GLI2: variants seen among roughly 807,000 people sequenced by gnomAD.
GLI2 encodes the protein transcription activator GLI2.
In GLI2, 22 loss-of-function variants were observed where a neutral mutation model predicts 78.9. The observed-to-expected ratio is 0.28, with a 90% CI of 0.20 to 0.40. The LOEUF (loss-of-function observed/expected upper bound fraction) is 0.40. Among genes scored for constraint, GLI2 ranks in the 10% least tolerant of loss-of-function variants. GLI2 has a pLI of 1.00. For synonymous variants in GLI2, 974 were observed against 963.7 expected (o/e 1.01, Z -0.20); for missense variants, 2,097 against 2,213.2 (o/e 0.95, Z 1.05).
intron 1 of GLI2, among the ~76,000 whole-genome samples, chr2:120,739,272 C>T (rs1682457098): frequency 6.6e-6 from 1 of 152,114 alleles, no homozygotes; most frequent in Non-Finnish European, 1.5e-5. Context: ...TTCCATTGTC[C>T]CCCACCCCTG....
intron 2 of GLI2, among the ~76,000 whole-genome samples, chr2:120,859,452 CTT>C (rs57311162): frequency 0.18 from 21,866 of 123,034 alleles, 1,113 homozygotes; most frequent in Middle Eastern, 0.28. Flanking sequence ...ATACTCCCTC[CTT>C]TTTTTTTTTT....
rs1016718367 is a variant in GLI2 at position 120,978,583 on chromosome 2, G to C, written c.1467G>C (p.Thr489=). Residue 489 remains threonine (T), a splice_region_variant and synonymous_variant, in exon 10 of 14, where the codon ACG becomes ACC. Coordinates refer to ENST00000361492, the MANE Select transcript of GLI2 (RefSeq NM_001374353.1). ...RHTGEKPHKC[T]FEGCSKAYSR... Reference sequence around the variant, plus strand: ...CGGGCGAGAAGCCCCACAAGTGCACGGTGAGTGGCCTTCTCCCCACCCCCG... The same window carrying C: ...CGGGCGAGAAGCCCCACAAGTGCACCGTGAGTGGCCTTCTCCCCACCCCCG... 1.2e-6 allele frequency: 2 copies of C among 1,613,454 alleles called. No homozygotes were observed. Among genetic ancestry groups the C allele is most frequent in the South Asian group, 1.1e-5 (1 of 91,062 alleles).
chr2:120,980,345 T>C lies in GLI2; in HGVS notation c.1467+1762T>C, dbSNP rs549858818. On this transcript the variant is annotated intron_variant, in intron 10 of 13. Coordinates refer to ENST00000361492, the MANE Select transcript of GLI2 (RefSeq NM_001374353.1). ...CCATATCCTAGTGGGTATAAAGTAGTATTTTATTGTGTTTTTGATTAGCAC... is the reference window on the plus strand; with the variant it reads ...CCATATCCTAGTGGGTATAAAGTAGCATTTTATTGTGTTTTTGATTAGCAC... 4.3e-4 allele frequency among the ~76,000 whole-genome samples: 66 copies of C among 152,358 alleles called. 1 individual carries two copies. The highest frequency in any genetic ancestry group is 1.6e-3 in the African/African-American group (65 of 41,580).
intron 2 of GLI2, among the ~76,000 whole-genome samples, chr2:120,915,770 G>A (rs1679067892): frequency 1.3e-5 from 2 of 152,150 alleles, no homozygotes; most frequent in Admixed American, 6.5e-5. Context: ...CAGCCCTGGT[G>A]TGCACTTTCA....
chr2:120,931,940 A>C (rs1417416085), intron 3 of GLI2, among the ~76,000 whole-genome samples: 1 of 152,070 alleles, frequency 6.6e-6, no homozygotes, highest in African/African-American at 2.4e-5. Context: ...GCGGCTCCAC[A>C]CTATCCTCAA....
At chr2:120,837,414 A>AG (rs1686670064) in intron 2 of GLI2, among the ~76,000 whole-genome samples, 1 of 150,554 alleles carries the variant, frequency 6.6e-6, no homozygotes, top group South Asian at 2.1e-4. Context: ...AAAAAAAAAA[A>AG]GTCTTAATCT....
chr2:120,896,665 A>ACACACC (rs1677966656), intron 2 of GLI2, among the ~76,000 whole-genome samples: 1 of 17,562 alleles, frequency 5.7e-5, no homozygotes, highest in African/African-American at 1.6e-4. Flanking sequence ...ACACACATAC[A>ACACACC]CCCACCCCCC....
At chr2:120,851,181 A>G (rs969987078) in intron 2 of GLI2, among the ~76,000 whole-genome samples, 2 of 152,188 alleles carry the variant, frequency 1.3e-5, no homozygotes, top group Non-Finnish European at 2.9e-5. Context: ...AAGAACTTGC[A>G]TGGGCCCCAG....
intron 1 of GLI2, among the ~76,000 whole-genome samples, chr2:120,772,064 G>A (rs1158949586): frequency 1.3e-5 from 2 of 152,196 alleles, no homozygotes; most frequent in Non-Finnish European, 2.9e-5. Context: ...GATGGAGGGG[G>A]ATGCAGGGTG....
intron 2 of GLI2, among the ~76,000 whole-genome samples, chr2:120,908,335 C>T (rs1678647405): frequency 6.6e-6 from 1 of 152,188 alleles, no homozygotes; most frequent in Non-Finnish European, 1.5e-5. Context: ...TTTGTGCACA[C>T]TTGGGTAGAA....
intron 13 of GLI2, among the ~76,000 whole-genome samples, chr2:120,987,858 G>GGCT (rs1683051589): frequency 6.6e-6 from 1 of 152,182 alleles, no homozygotes. Flanking sequence ...TAGGCCTCCT[G>GGCT]GCTTCCCCTC....
chr2:120,889,715 A>G (rs1677588874), intron 2 of GLI2, among the ~76,000 whole-genome samples: 1 of 152,254 alleles, frequency 6.6e-6, no homozygotes, highest in African/African-American at 2.4e-5. Flanking sequence ...ATGGCCAATA[A>G]GCACATGAAA....
At chr2:120,799,067 G>C (rs1359321594) in intron 2 of GLI2, among the ~76,000 whole-genome samples, 1 of 152,254 alleles carries the variant, frequency 6.6e-6, no homozygotes, top group Non-Finnish European at 1.5e-5. Context: ...GACTTAGGCA[G>C]TAATTAGACA....
intron 2 of GLI2, among the ~76,000 whole-genome samples, chr2:120,802,087 A>G (rs1378685786): frequency 6.6e-6 from 1 of 151,974 alleles, no homozygotes; most frequent in Non-Finnish European, 1.5e-5. Flanking sequence ...TCTCTTCCAA[A>G]CAGCCAGTTA....
At chr2:120,848,225 A>G (rs1038361700) in intron 2 of GLI2, among the ~76,000 whole-genome samples, 1 of 152,216 alleles carries the variant, frequency 6.6e-6, no homozygotes, top group Non-Finnish European at 1.5e-5. Context: ...TGGTTGCAAT[A>G]GTCCTGGAAG....
At chr2:120,914,892 G>A (rs1051042084) in intron 2 of GLI2, among the ~76,000 whole-genome samples, 2 of 152,248 alleles carry the variant, frequency 1.3e-5, no homozygotes, top group African/African-American at 4.8e-5. Context: ...ACTGGCGGCA[G>A]CCTCAGCTCT....
intron 5 of GLI2, among the ~76,000 whole-genome samples, chr2:120,967,809 C>A (rs1289457262): frequency 6.6e-6 from 1 of 152,238 alleles, no homozygotes; most frequent in Non-Finnish European, 1.5e-5. Context: ...GAACTGAGGA[C>A]CTCAGTACGC....
intron 8 of GLI2, among the ~76,000 whole-genome samples, chr2:120,972,446 T>A (rs1682232197): frequency 6.6e-6 from 1 of 152,154 alleles, no homozygotes; most frequent in Non-Finnish European, 1.5e-5. Context: ...CTGCTGTCGC[T>A]CTTGGAACTC....
At chr2:120,924,214 T>C (rs1679546605) in intron 2 of GLI2, among the ~76,000 whole-genome samples, 1 of 152,156 alleles carries the variant, frequency 6.6e-6, no homozygotes, top group South Asian at 2.1e-4. Context: ...ACCCAGGAGC[T>C]GGTATTTGCC....
Sources: allele counts gnomAD v4.1 joint callset (sites outside exome capture counted in the v4.1 genomes callset), GRCh38; gene constraint gnomAD v4.1.1; transcripts MANE v1.5; gene names NCBI Gene and HGNC (gene_info 2026-07-23, HGNC 2026-07-21).